The following QPCTL variants were observed in gnomAD, a reference collection of about 807,000 sequenced individuals.
QPCTL encodes the protein glutaminyl-peptide cyclotransferase like.
A neutral mutation model predicts 34.6 loss-of-function variants in QPCTL; 31 were observed. The ratio of observed to expected loss-of-function variants is 0.90; its 90% CI spans 0.67 to 1.21. The LOEUF (loss-of-function observed/expected upper bound fraction) is 1.21. QPCTL is among the 50% of genes most tolerant of loss of function. The probability of loss-of-function intolerance (pLI) is 0.00; values close to 1 mark genes in which losing one functional copy is unlikely to be tolerated. For missense variants in QPCTL, 474 were observed against 507.8 expected (o/e 0.93, Z 0.64); for synonymous variants, 223 against 226.9 (o/e 0.98, Z 0.15).
In QPCTL at chr19:45,701,803, C is replaced by T. The variant is rs759816195; in HGVS notation, c.892C>T (p.Arg298Cys). The T allele has an allele frequency of 7.4e-5, 120 of 1,612,638 alleles. No individual in the cohort carries two copies. Among genetic ancestry groups the T allele is most frequent in the Non-Finnish European group, 9.6e-5 (113 of 1,179,026 alleles). Residue 298 changes from arginine (R) to cysteine (C), a missense_variant, in exon 6 of 7, where the codon CGT (arginine) becomes TGT (cysteine). By Grantham distance (180) the Arg-to-Cys change is radical (BLOSUM62 -3). Coordinates refer to ENST00000012049, the MANE Select transcript of QPCTL (RefSeq NM_017659.4). ...CTAATCGCCCCCACTTCCAGAGAAG[C>T]GTCTGCACCGTTTGAACCTGCTGCA... is the stretch of plus-strand genomic sequence containing the variant. ...WFHRLRSIEK[R>C]LHRLNLLQSH... is the part of the protein sequence containing the mutation.
At position 45,695,656 on chromosome 19, in the gene QPCTL, T is replaced by C; in HGVS notation, c.571T>C (p.Cys191Arg). 1 of 1,613,860 alleles carries C rather than the reference T, an allele frequency of 6.2e-7. No homozygotes were observed. The highest frequency in any genetic ancestry group is 8.5e-7 in the Non-Finnish European group (1 of 1,179,942). Residue 191 changes from cysteine (C) to arginine (R), a missense_variant, in exon 3 of 7, where the codon TGT (cysteine) becomes CGT (arginine). Physicochemically the swap from Cys to Arg is radical, Grantham distance 180 (BLOSUM62 -3). Transcript: ENST00000012049. ...AGGGGCCACGGATTCGGCTGTGCCC[T>C]GTGCCCTGCTGCTGGAGCTGGCCCA... ...FVGATDSAVP[C>R]ALLLELAQAL...
chr19:45,695,848 C>CTTT, intron 3 of QPCTL, 130 bp downstream of exon 3: 1 of 856,632 alleles, frequency 1.2e-6, no homozygotes, highest in Non-Finnish European at 1.7e-6. Context: ...CCACAGGGAT[C>CTTT]TTTTTTTTTT....
chr19:45,692,947 C>T, intron 1 of QPCTL, 37 bp downstream of exon 1: 2 of 1,514,828 alleles, frequency 1.3e-6, no homozygotes, highest in Non-Finnish European at 1.8e-6. Flanking sequence ...CGCGGGGACC[C>T]TCATTCCCTC....
chr19:45,695,789 T>C (rs1438551339), intron 3 of QPCTL, 71 bp downstream of exon 3: 11 of 1,465,230 alleles, frequency 7.5e-6, no homozygotes, highest in Non-Finnish European at 8.2e-6. Context: ...CTCCCTTGCC[T>C]GGACATTTGT....
rs1171649137 is a variant in QPCTL, at chr19:45,703,103, G to A, written c.*54G>A. The A allele has an allele frequency of 5.0e-6, 8 of 1,605,070 alleles. No individual in the cohort carries two copies. Among genetic ancestry groups the A allele is most frequent in the African/African-American group, 4.0e-5 (3 of 74,734 alleles). The stretch of plus-strand genomic sequence containing the variant: ...CTGTGAGAGAGAAGGTCCCAGCGGG[G>A]GCCAGTGAAGCTCAGGCAGGATCTG... On this transcript the variant is annotated 3_prime_UTR_variant, in exon 7 of 7. Transcript: ENST00000012049.
chr19:45,702,001 A>G (rs1967820795), intron 6 of QPCTL, 87 bp downstream of exon 6: 2 of 1,106,412 alleles, frequency 1.8e-6, no homozygotes, highest in African/African-American at 3.1e-5. Context: ...GGGCTGGGGA[A>G]TGGTGCTAAG....
chr19:45,697,074 C>T (rs184484143), intron 3 of QPCTL, among the ~76,000 whole-genome samples: 1 of 151,306 alleles, frequency 6.6e-6, no homozygotes, highest in African/African-American at 2.4e-5. Flanking sequence ...GAGCCGAGAT[C>T]GCACCACTGC....
At chr19:45,700,937 G>A (rs1402572195) in intron 5 of QPCTL, among the ~76,000 whole-genome samples, 5 of 135,926 alleles carry the variant, frequency 3.7e-5, no homozygotes, top group African/African-American at 5.6e-5. Flanking sequence ...CCAGCCTGGC[G>A]ACAGAGCAAG....
chr19:45,698,538 C>T lies in QPCTL; in HGVS notation c.634-9C>T. 1.2e-6 allele frequency: 2 copies of T among 1,613,716 alleles called. No individual in the cohort carries two copies. The highest frequency in any genetic ancestry group is 2.2e-5 in the South Asian group (2 of 91,056). ...GCTGGCTCTGGCCACCCCCCTGCTGCTCCCACAGGCAGCCCCGGTGACCCT... is the reference window on the plus strand; with the variant it reads ...GCTGGCTCTGGCCACCCCCCTGCTGTTCCCACAGGCAGCCCCGGTGACCCT... On this transcript the variant is annotated splice_polypyrimidine_tract_variant and intron_variant, in intron 3 of 6. Transcript: ENST00000012049.
At chr19:45,699,419 T>C (rs2146130494) in intron 5 of QPCTL, among the ~76,000 whole-genome samples, 1 of 151,572 alleles carries the variant, frequency 6.6e-6, no homozygotes, top group East Asian at 1.9e-4. Flanking sequence ...GCCTGGGAGG[T>C]CAAGGCTATA....
At chr19:45,702,845 G>A in intron 6 of QPCTL, 59 bp from the exon 7 acceptor site, 1 of 1,607,052 alleles carries the variant, frequency 6.2e-7, no homozygotes, top group Non-Finnish European at 8.5e-7. Context: ...GGTTGGGCTT[G>A]GGCTCCTGGG....
intron 1 of QPCTL, 74 bp downstream of exon 1, chr19:45,692,984 C>T (rs1336235535): frequency 5.6e-6 from 8 of 1,437,504 alleles, no homozygotes; most frequent in Admixed American, 2.2e-5. Flanking sequence ...GTTGACGTGG[C>T]TTTAGCGTAC....
intron 5 of QPCTL, among the ~76,000 whole-genome samples, chr19:45,701,077 C>T (rs867344803): frequency 2.0e-5 from 3 of 151,444 alleles, no homozygotes; most frequent in Non-Finnish European, 4.4e-5. Flanking sequence ...GAGGCCAGCC[C>T]GGGCAACACA....
chr19:45,693,575 A>C lies in QPCTL; in HGVS notation c.351+19A>C. The C allele has an allele frequency of 6.3e-7, 1 of 1,598,300 alleles. No homozygotes were observed. Among genetic ancestry groups the C allele is most frequent in the Non-Finnish European group, 8.5e-7 (1 of 1,170,778 alleles). On this transcript the variant is annotated intron_variant, in intron 2 of 6. Transcript: ENST00000012049. ...CAGAAAGGTAAAGGGACCCACCTCC[A>C]GTCCCTGACCCCCTAGCCCTCCAGG...
intron 5 of QPCTL, among the ~76,000 whole-genome samples, chr19:45,700,108 G>A (rs1967781764): frequency 6.7e-6 from 1 of 148,992 alleles, no homozygotes; most frequent in Non-Finnish European, 1.5e-5. Flanking sequence ...TCAAAAAAAA[G>A]TAATAATAAA....
Position 45,701,824 on chromosome 19 carries a change from C to T in QPCTL, c.913C>T (p.Leu305=), listed in dbSNP as rs1450580310. ...GAAGCGTCTGCACCGTTTGAACCTG[C>T]TGCAGTCTCATCCCCAGGAAGTGAT... The part of the protein sequence containing the change: ...IEKRLHRLNL[L]QSHPQEVMYF... The change falls in exon 6 of 7, where the codon CTG becomes TTG. Residue 305 remains leucine, a synonymous_variant. Coordinates refer to ENST00000012049, the MANE Select transcript of QPCTL (RefSeq NM_017659.4). 2 of 1,613,824 alleles carry T rather than the reference C, an allele frequency of 1.2e-6. No homozygotes were observed. Among genetic ancestry groups the T allele is most frequent in the South Asian group, 2.2e-5 (2 of 91,086 alleles).
chr19:45,694,531 C>T (rs1013612604), intron 2 of QPCTL, among the ~76,000 whole-genome samples: 3 of 151,514 alleles, frequency 2.0e-5, no homozygotes, highest in African/African-American at 7.3e-5. Context: ...AGTGCAGTGG[C>T]GCGATCTCGG....
chr19:45,694,537 C>T (rs572647295), intron 2 of QPCTL, among the ~76,000 whole-genome samples: 3 of 151,748 alleles, frequency 2.0e-5, no homozygotes, highest in Admixed American at 2.0e-4. Flanking sequence ...GTGGCGCGAT[C>T]TCGGCTCACT....
At position 45,693,567 on chromosome 19, in the gene QPCTL, C is replaced by G. The variant is rs371386525; in HGVS notation, c.351+11C>G. 13 of 1,603,512 alleles carry G rather than the reference C, an allele frequency of 8.1e-6. No homozygotes were observed. The highest frequency in any genetic ancestry group is 1.7e-5 in the Admixed American group (1 of 58,932). On this transcript the variant is annotated intron_variant, in intron 2 of 6. Coordinates refer to ENST00000012049, the MANE Select transcript of QPCTL (RefSeq NM_017659.4). ...CTCCAAGTCAGAAAGGTAAAGGGAC[C>G]CACCTCCAGTCCCTGACCCCCTAGC...
Sources: gnomAD v4.1 joint callset for allele counts (sites outside exome capture counted in the v4.1 genomes callset) on GRCh38, gnomAD v4.1.1 for gene constraint, MANE v1.5 for transcripts, NCBI Gene and HGNC (gene_info 2026-07-23, HGNC 2026-07-21) for gene names.